GMDS: variants seen among roughly 807,000 people sequenced by gnomAD.
The protein encoded by GMDS is GDP-mannose 4,6 dehydratase.
In GMDS, 20 loss-of-function variants were observed where a neutral mutation model predicts 49.9. The observed-to-expected ratio is 0.40, with a 90% CI of 0.28 to 0.58. The LOEUF is 0.58. Ranked by LOEUF, GMDS falls within the 20% of genes least tolerant of loss-of-function variation. The probability of loss-of-function intolerance (pLI) is 0.42; values close to 1 mark genes in which losing one functional copy is unlikely to be tolerated. For missense variants in GMDS, 362 were observed against 481.4 expected (o/e 0.75, Z 2.32); for synonymous variants, 177 against 178.6 (o/e 0.99, Z 0.07).
chr6:2,245,274 G>C, intron 1 of GMDS, 47 bp downstream of exon 1: 1 of 1,255,912 alleles, frequency 8.0e-7, no homozygotes, highest in Non-Finnish European at 1.1e-6. Context: ...GGGAGAGCAC[G>C]CGTGCCCAGG....
chr6:2,067,738 A>C (rs1771705387), intron 4 of GMDS, among the ~76,000 whole-genome samples: 1 of 152,132 alleles, frequency 6.6e-6, no homozygotes, highest in South Asian at 2.1e-4. Flanking sequence ...CTCTGAATAG[A>C]CCAATAACAG....
At chr6:2,005,263 C>A (rs1767086304) in intron 4 of GMDS, among the ~76,000 whole-genome samples, 1 of 152,112 alleles carries the variant, frequency 6.6e-6, no homozygotes, top group Non-Finnish European at 1.5e-5. Context: ...AGGCCTCGTG[C>A]AATATGTTAA....
intron 9 of GMDS, among the ~76,000 whole-genome samples, chr6:1,677,149 T>C (rs1020711912): frequency 1.4e-4 from 22 of 152,200 alleles, no homozygotes; most frequent in Non-Finnish European, 1.3e-4. Context: ...CAAAAGAAGA[T>C]ATTTATGCAG....
intron 7 of GMDS, among the ~76,000 whole-genome samples, chr6:1,871,581 A>G (rs1288655596): frequency 6.6e-6 from 1 of 152,168 alleles, no homozygotes; most frequent in Admixed American, 6.5e-5. Context: ...ACTTTTTTTC[A>G]TGAAATAATA....
intron 7 of GMDS, among the ~76,000 whole-genome samples, chr6:1,798,412 T>C (rs1441800894): frequency 6.6e-6 from 1 of 152,158 alleles, no homozygotes; most frequent in East Asian, 1.9e-4. Flanking sequence ...TAAAGAAATA[T>C]TAAGAAACTG....
At chr6:1,664,617 G>C (rs1489601332) in intron 9 of GMDS, among the ~76,000 whole-genome samples, 1 of 152,184 alleles carries the variant, frequency 6.6e-6, no homozygotes, top group Non-Finnish European at 1.5e-5. Context: ...AGCCATACTG[G>C]TTAGAGGTGA....
At chr6:1,706,231 T>C (rs1012174462) in intron 9 of GMDS, among the ~76,000 whole-genome samples, 2 of 152,200 alleles carry the variant, frequency 1.3e-5, no homozygotes, top group African/African-American at 4.8e-5. Flanking sequence ...GCTGGCACCA[T>C]CGCGGCACAG....
At chr6:1,908,141 G>A (rs1306347888) in intron 7 of GMDS, among the ~76,000 whole-genome samples, 2 of 152,180 alleles carry the variant, frequency 1.3e-5, no homozygotes, top group Admixed American at 6.5e-5. Context: ...GAGACTAATG[G>A]GTGGGGAACA....
chr6:2,058,802 C>T (rs1199021599), intron 4 of GMDS, among the ~76,000 whole-genome samples: 1 of 152,130 alleles, frequency 6.6e-6, no homozygotes, highest in Admixed American at 6.6e-5. Context: ...TCCATTCTGC[C>T]CACTAGACTA....
intron 9 of GMDS, among the ~76,000 whole-genome samples, chr6:1,712,795 A>G (rs1367604545): frequency 6.6e-6 from 1 of 152,202 alleles, no homozygotes; most frequent in African/African-American, 2.4e-5. Context: ...ATCATGAAAC[A>G]GGCAGAAAGG....
At chr6:2,031,593 A>C (rs2127417214) in intron 4 of GMDS, among the ~76,000 whole-genome samples, 1 of 152,262 alleles carries the variant, frequency 6.6e-6, no homozygotes, top group South Asian at 2.1e-4. Flanking sequence ...AAAATGTGAT[A>C]TTTGAGTCCC....
rs189647180 is a variant in GMDS at position 2,197,108 on chromosome 6, G to A, written c.102+48213C>T. 2.6e-5 allele frequency among the ~76,000 whole-genome samples: 4 copies of A among 152,324 alleles called. No homozygotes were observed. In the East Asian group the frequency reaches 5.8e-4, roughly 22 times the overall value. ...TTCAATAATGTCTTATGTGAAGAAC[G>A]AATAAAGTCAGTATTAAATAATGTC... is the stretch of plus-strand genomic sequence containing the variant. On this transcript the variant is annotated intron_variant, in intron 1 of 10. Transcript: ENST00000380815.
At chr6:1,881,155 T>C (rs1032919755) in intron 7 of GMDS, among the ~76,000 whole-genome samples, 5 of 152,160 alleles carry the variant, frequency 3.3e-5, no homozygotes, top group Non-Finnish European at 7.4e-5. Context: ...AGGAGGGAAG[T>C]GGGGGCACCG....
intron 1 of GMDS, among the ~76,000 whole-genome samples, chr6:2,218,983 G>GC (rs1216752796): frequency 1.3e-5 from 2 of 152,246 alleles, no homozygotes; most frequent in East Asian, 3.9e-4. Flanking sequence ...CTGAGTTCTG[G>GC]CTACTTGGGA....
chr6:2,157,684 T>C (rs571116422), intron 1 of GMDS, among the ~76,000 whole-genome samples: 1 of 152,322 alleles, frequency 6.6e-6, no homozygotes, highest in South Asian at 2.1e-4. Context: ...CACAAGGCAC[T>C]AGGCATCTTG....
intron 4 of GMDS, among the ~76,000 whole-genome samples, chr6:2,087,445 A>T (rs1344176024): frequency 6.6e-6 from 1 of 152,240 alleles, no homozygotes; most frequent in African/African-American, 2.4e-5. Context: ...AACATCAGTA[A>T]CATCAATAAT....
chr6:1,965,513 TG>T (rs1295292272), intron 4 of GMDS, among the ~76,000 whole-genome samples: 1 of 152,198 alleles, frequency 6.6e-6, no homozygotes, highest in African/African-American at 2.4e-5. Flanking sequence ...ACATTGTGGC[TG>T]ATCAATTCCT....
intron 9 of GMDS, among the ~76,000 whole-genome samples, chr6:1,629,730 G>A (rs768688370): frequency 6.6e-6 from 1 of 152,140 alleles, no homozygotes; most frequent in Admixed American, 6.5e-5. Context: ...CTCCTGCATG[G>A]TGCCTAATGG....
chr6:1,731,474 ACAGACGGGACTGGGAGT>A (rs763847965), intron 8 of GMDS, among the ~76,000 whole-genome samples: 9 of 152,178 alleles, frequency 5.9e-5, no homozygotes, highest in Non-Finnish European at 1.2e-4. Context: ...TCTAGAGGGG[ACAGACGGGACTGGGAGT>A]CAGAATGGCT....
Sources: allele counts gnomAD v4.1 joint callset (sites outside exome capture counted in the v4.1 genomes callset), GRCh38; gene constraint gnomAD v4.1.1; transcripts MANE v1.5; gene names NCBI Gene and HGNC (gene_info 2026-07-23, HGNC 2026-07-21).